SRPRA: variants seen among roughly 807,000 people sequenced by gnomAD.
SRPRA encodes SRP receptor subunit alpha, also known as signal recognition particle receptor subunit alpha.
SRPRA carries 30 observed loss-of-function variants against 61.1 expected under a neutral mutation model. That is an observed-to-expected ratio of 0.49 (90% CI 0.37 to 0.67). The LOEUF is 0.67. SRPRA is among the 30% of genes least tolerant of loss of function. SRPRA has a pLI of 0.00. For missense variants in SRPRA, 759 were observed against 828.4 expected (o/e 0.92, Z 1.03); for synonymous variants, 324 against 299.7 (o/e 1.08, Z -0.84).
chr11:126,247,430 A>AG, the SRPRA span, among the ~76,000 whole-genome samples: 1 of 152,086 alleles, frequency 6.6e-6, no homozygotes, highest in Non-Finnish European at 1.5e-5. Flanking sequence ...AGTGACCTGG[A>AG]TTTTTTTCCC....
At chr11:126,266,348 CTA>C in intron 6 of SRPRA, 70 bp from the exon 7 acceptor site, 1 of 1,592,830 alleles carries the variant, frequency 6.3e-7, no homozygotes, top group Non-Finnish European at 8.6e-7. Flanking sequence ...CCACATTGCT[CTA>C]TCTCTTTCAT....
rs1950782336 is a variant in SRPRA at position 126,265,191 on chromosome 11, A to G, written c.1312-19T>C. 6.2e-7 allele frequency: 1 copy of G among 1,614,090 alleles called. No homozygotes were observed. The highest frequency in any genetic ancestry group is 8.5e-7 in the Non-Finnish European group (1 of 1,179,946). Reference sequence around the variant, plus strand: ...AGGAAATCTGTGAAAAAGACGTAAGAAAAGTCACCTAAAGCCAGGATTTTG... The same window carrying G: ...AGGAAATCTGTGAAAAAGACGTAAGGAAAGTCACCTAAAGCCAGGATTTTG... On this transcript the variant is annotated intron_variant, in intron 10 of 13. Coordinates refer to ENST00000332118, the MANE Select transcript of SRPRA (RefSeq NM_003139.4). The surrounding 1 kb of genome is among the most constrained non-coding windows in gnomAD (Gnocchi z 6.3).
chr11:126,259,508 C>G (rs1950639491), downstream of SRPRA, among the ~76,000 whole-genome samples: 1 of 151,024 alleles, frequency 6.6e-6, no homozygotes, highest in African/African-American at 2.4e-5. Flanking sequence ...TCACTGCAAC[C>G]CCCGCCTCCT....
the SRPRA span, among the ~76,000 whole-genome samples, chr11:126,240,212 A>T: frequency 2.0e-5 from 3 of 150,410 alleles, no homozygotes; most frequent in Non-Finnish European, 1.5e-5. Flanking sequence ...TGATTAGTTA[A>T]TGTCTTTATT....
Position 126,267,063 on chromosome 11 carries a change from G to T in SRPRA, c.526+112C>A. 1 of 1,524,248 alleles carries T rather than the reference G, an allele frequency of 6.6e-7. No individual in the cohort carries two copies. The allele number at this position is 1,524,248 out of a possible 1,614,324, so 94.4% of individuals were successfully genotyped here. A position where few individuals can be genotyped will look rare whatever the true frequency, so the allele number is the denominator to read the frequency against. ...TAAGGCCTGGGGATTATAGGATGGT[G>T]ACCATTTGAGTGAGAAGCAGGTAAG... On this transcript the variant is annotated intron_variant, in intron 4 of 13. Coordinates refer to ENST00000332118, the MANE Select transcript of SRPRA (RefSeq NM_003139.4). This position sits in a 1 kb window ranked among gnomAD's most constrained non-coding sequence, Gnocchi z 4.2.
the SRPRA span, chr11:126,256,616 G>A: frequency 6.2e-7 from 1 of 1,614,190 alleles, no homozygotes. The surrounding 1 kb of genome is among the most constrained non-coding windows in gnomAD (Gnocchi z 6.6). Flanking sequence ...TTCCTGGGCT[G>A]TGGCTGGACT....
Position 126,265,530 on chromosome 11 carries a change from A to G in SRPRA, c.1139-90T>C. On this transcript the variant is annotated intron_variant, in intron 9 of 13. Coordinates refer to ENST00000332118, the MANE Select transcript of SRPRA (RefSeq NM_003139.4). The surrounding 1 kb of genome is among the most constrained non-coding windows in gnomAD (Gnocchi z 6.3). ...CACCTTTCTGAGCTAAGGGGACTAAAACAGTAAATTAGACTCTTGTCCCAG... is the reference window on the plus strand; with the variant it reads ...CACCTTTCTGAGCTAAGGGGACTAAGACAGTAAATTAGACTCTTGTCCCAG... 1 of 1,435,844 alleles carries G rather than the reference A, an allele frequency of 7.0e-7. No homozygotes were observed. Among genetic ancestry groups the G allele is most frequent in the South Asian group, 1.3e-5 (1 of 77,934 alleles). 88.9% of individuals were successfully genotyped at this position (1,435,844 alleles called of 1,614,324 possible).
At position 126,263,887 on chromosome 11, in the gene SRPRA, C is replaced by T. The variant is rs757794917; in HGVS notation, c.*29G>A. ...CAGGAAGAAGGGCTTGTGGGGAAAG[C>T]GGCGATTTGGTATTGGGCAAGAGCC... On this transcript the variant is annotated 3_prime_UTR_variant, in exon 14 of 14. Transcript: ENST00000332118. 1.4e-5 allele frequency: 23 copies of T among 1,610,706 alleles called. No individual in the cohort carries two copies. The highest frequency in any genetic ancestry group is 2.2e-5 in the South Asian group (2 of 90,724).
chr11:126,249,507 T>C, the SRPRA span, among the ~76,000 whole-genome samples: 1 of 151,264 alleles, frequency 6.6e-6, no homozygotes, highest in Non-Finnish European at 1.5e-5. Context: ...CTGAGGTGAG[T>C]GGATCACAAG....
At position 126,264,462 on chromosome 11, in the gene SRPRA, G is replaced by T; in HGVS notation, c.1603C>A (p.Leu535Met). The T allele has an allele frequency of 3.1e-6, 5 of 1,614,190 alleles. No homozygotes were observed. Among genetic ancestry groups the T allele is most frequent in the Non-Finnish European group, 4.2e-6 (5 of 1,180,036 alleles). The change falls in exon 12 of 14, where the codon CTG (leucine) becomes ATG (methionine). Residue 535 changes from leucine to methionine, a missense_variant. Coordinates refer to ENST00000332118, the MANE Select transcript of SRPRA (RefSeq NM_003139.4). The surrounding 1 kb of genome is among the most constrained non-coding windows in gnomAD (Gnocchi z 5.0). ...MQDNAPLMTA[L>M]AKLITVNTPD... is the part of the protein sequence containing the mutation. ...GTATTGACAGTAATGAGTTTGGCCA[G>T]GGCAGTCATCAGAGGGGCATTGTCT...
chr11:126,256,967 C>T, the SRPRA span: 19 of 1,101,126 alleles, frequency 1.7e-5, no homozygotes, highest in Non-Finnish European at 2.3e-5. The surrounding 1 kb of genome is among the most constrained non-coding windows in gnomAD (Gnocchi z 6.6). Context: ...AATGACTGAC[C>T]AAATTGTAAA....
chr11:126,244,004 T>C, the SRPRA span, among the ~76,000 whole-genome samples: 1 of 151,964 alleles, frequency 6.6e-6, no homozygotes, highest in Non-Finnish European at 1.5e-5. The surrounding 1 kb of genome is among the most constrained non-coding windows in gnomAD (Gnocchi z 4.5). Context: ...AAAAAACATG[T>C]TAGCAAAATG....
chr11:126,262,458 C>T (rs1232769646), downstream of SRPRA: 2 of 366,146 alleles, frequency 5.5e-6, no homozygotes, highest in Non-Finnish European at 9.8e-6. Context: ...TGCAGCTCTG[C>T]ATGAAGGACT....
At chr11:126,241,094 C>T in the SRPRA span, 2 of 1,501,412 alleles carry the variant, frequency 1.3e-6, no homozygotes, top group Non-Finnish European at 1.8e-6. Flanking sequence ...TAAAATTTAA[C>T]TATCACAACT....
the SRPRA span, among the ~76,000 whole-genome samples, chr11:126,238,171 G>A: frequency 6.6e-6 from 1 of 152,184 alleles, no homozygotes. Flanking sequence ...AGACCAGCCT[G>A]GCCAACCTGG....
At chr11:126,240,235 G>T in the SRPRA span, among the ~76,000 whole-genome samples, 1 of 150,718 alleles carries the variant, frequency 6.6e-6, no homozygotes, top group Non-Finnish European at 1.5e-5. Context: ...GGTATGTAGG[G>T]CCCCTGTGTT....
chr11:126,260,508 TAC>T (rs2135225299), downstream of SRPRA: 1 of 152,246 alleles, frequency 6.6e-6, no homozygotes, highest in Non-Finnish European at 1.5e-5. Context: ...GTAGGGGTGT[TAC>T]AGTTTACCTA....
chr11:126,245,973 G>A, the SRPRA span, among the ~76,000 whole-genome samples: 1 of 149,900 alleles, frequency 6.7e-6, no homozygotes. Flanking sequence ...TCCAGCCTGG[G>A]CAACAGGTAC....
chr11:126,264,216 G>GT lies in SRPRA; in HGVS notation c.1762dup (p.Thr588AsnfsTer4). The GT allele has an allele frequency of 1.2e-6, 2 of 1,614,078 alleles. No homozygotes were observed. Among genetic ancestry groups the GT allele is most frequent in the Non-Finnish European group, 1.7e-6 (2 of 1,180,016 alleles). ...CTTGTCATCAATGGTATCAAATTTG[G>GT]TAAGAACAATGCCATCAATGAGCCG... On this transcript the variant is annotated frameshift_variant, in exon 13 of 14. Coordinates refer to ENST00000332118, the MANE Select transcript of SRPRA (RefSeq NM_003139.4). LOFTEE classifies it high-confidence loss of function. This position sits in a 1 kb window ranked among gnomAD's most constrained non-coding sequence, Gnocchi z 5.0.
Sources: gnomAD v4.1 joint callset for allele counts (sites outside exome capture counted in the v4.1 genomes callset) on GRCh38, gnomAD v4.1.1 for gene constraint, Gnocchi (gnomAD v3.1) non-coding constraint, MANE v1.5 for transcripts, NCBI Gene and HGNC (gene_info 2026-07-23, HGNC 2026-07-21) for gene names.